ANKRD18B: variants seen among roughly 807,000 people sequenced by gnomAD.
The protein encoded by ANKRD18B is ankyrin repeat domain-containing protein 18B.
A neutral mutation model predicts 111.8 loss-of-function variants in ANKRD18B; 75 were observed. The ratio of observed to expected loss-of-function variants is 0.67; its 90% CI spans 0.56 to 0.81. ANKRD18B has a LOEUF of 0.81. Ranked by LOEUF, ANKRD18B falls within the 40% of genes least tolerant of loss-of-function variation. The pLI is 0.00. For synonymous variants in ANKRD18B, 356 were observed against 417.3 expected (o/e 0.85, Z 1.79); for missense variants, 1,038 against 1,225.5 (o/e 0.85, Z 2.28).
intron 14 of ANKRD18B, among the ~76,000 whole-genome samples, chr9:33,564,020 C>CA (rs556165780): frequency 3.2e-4 from 49 of 152,288 alleles, no homozygotes; most frequent in Middle Eastern, 3.4e-3. Flanking sequence ...AGGCTAGAGA[C>CA]AGTGATTTGA....
chr9:33,556,136 G>C (rs1167307896), intron 13 of ANKRD18B, among the ~76,000 whole-genome samples: 1 of 152,150 alleles, frequency 6.6e-6, no homozygotes, highest in African/African-American at 2.4e-5. Context: ...AGAAACAGGG[G>C]TTGGGAGTCA....
At position 33,566,315 on chromosome 9, in the gene ANKRD18B, G is replaced by A. The variant is rs41306100; in HGVS notation, c.2557G>A (p.Gly853Arg). 2.6e-6 allele frequency: 4 copies of A among 1,562,720 alleles called. No homozygotes were observed. The highest frequency in any genetic ancestry group is 3.5e-6 in the Non-Finnish European group (4 of 1,151,200). ...EVLHQELLSM[G>R]KVQEKCEKLE... ...TCTTCATCAGGAGTTATTATCTATGGGAAAAGTACAAGAGAAATGTGAAAA... is the reference window on the plus strand; with the variant it reads ...TCTTCATCAGGAGTTATTATCTATGAGAAAAGTACAAGAGAAATGTGAAAA... Residue 853 changes from glycine (G) to arginine (R), a missense_variant, in exon 15 of 19, where the codon GGA becomes AGA. By Grantham distance (125) the Gly-to-Arg change is moderately radical (BLOSUM62 -2). Around this residue, in one of 4 missense-constraint regions of ANKRD18B, gnomAD observed 524 missense variants for 677.9 expected, o/e 0.77. Coordinates refer to ENST00000684830, the MANE Select transcript of ANKRD18B (RefSeq NM_001393611.1).
Position 33,548,152 on chromosome 9 carries a change from T to C in ANKRD18B, c.1364T>C (p.Val455Ala). ...AATGAAGAAATGATAACAAAAAAAG[T>C]GGCCCAGTATTCGCAACAGCTTAAT... ...RLNEEMITKK[V>A]AQYSQQLNDL... Residue 455 changes from valine (V) to alanine (A), a missense_variant, in exon 11 of 19, where the codon GTG (valine) becomes GCG (alanine). Transcript: ENST00000684830. 1 of 1,536,110 alleles carries C rather than the reference T, an allele frequency of 6.5e-7. No individual in the cohort carries two copies.
chr9:33,574,684 G>A (rs1406699338), downstream of ANKRD18B: 1 of 152,666 alleles, frequency 6.6e-6, no homozygotes, highest in Admixed American at 6.5e-5. Context: ...GGGTGCACCT[G>A]TGAGTGGAGC....
intron 10 of ANKRD18B, among the ~76,000 whole-genome samples, chr9:33,546,550 G>A (rs1432803855): frequency 6.6e-6 from 1 of 152,090 alleles, no homozygotes; most frequent in Non-Finnish European, 1.5e-5. Context: ...TCTAAAGATA[G>A]ACAAAAATCT....
chr9:33,534,459 T>C lies in ANKRD18B; in HGVS notation c.692T>C (p.Met231Thr), dbSNP rs1828165778. Reference sequence around the variant, plus strand: ...AATATACATATCTCTTCTCAAGACATGTTTGGCCAAACTGCCGAGGATTAT... The same window carrying C: ...AATATACATATCTCTTCTCAAGACACGTTTGGCCAAACTGCCGAGGATTAT... ...QQNIHISSQD[M>T]FGQTAEDYAF... Residue 231 changes from methionine to threonine, a missense_variant, in exon 5 of 19, where the codon ATG (methionine) becomes ACG (threonine). This residue lies in a region of ANKRD18B where 93 missense variants were observed against 141.3 expected (regional missense o/e 0.66). Transcript: ENST00000684830. 6.4e-7 allele frequency: 1 copy of C among 1,550,894 alleles called. No homozygotes were observed. The highest frequency in any genetic ancestry group is 1.4e-5 in the African/African-American group (1 of 73,130).
At chr9:33,531,758 T>A (rs1828120581) in intron 3 of ANKRD18B, among the ~76,000 whole-genome samples, 1 of 151,428 alleles carries the variant, frequency 6.6e-6, no homozygotes, top group Admixed American at 6.6e-5. Flanking sequence ...TATAAATCCC[T>A]CAATTATAGA....
chr9:33,563,806 A>G (rs1828646694), intron 14 of ANKRD18B, among the ~76,000 whole-genome samples: 1 of 151,924 alleles, frequency 6.6e-6, no homozygotes, highest in African/African-American at 2.4e-5. Flanking sequence ...AAAATCTTCT[A>G]GCTTTTTAAA....
rs1249075702 is a variant in ANKRD18B at position 33,524,656 on chromosome 9, G to T, written c.167G>T (p.Arg56Leu). Residue 56 changes from arginine (R) to leucine (L), a missense_variant, in exon 1 of 19, where the codon CGC becomes CTC. By Grantham distance (102) the Arg-to-Leu change is moderately radical (BLOSUM62 -2). Transcript: ENST00000684830. ...GCAGAGGTGGAGCACTGCCTGACGCGCAGGTTCCGGGACTTGGACGTCCGC... is the reference window on the plus strand; with the variant it reads ...GCAGAGGTGGAGCACTGCCTGACGCTCAGGTTCCGGGACTTGGACGTCCGC... ...DAAEVEHCLT[R>L]RFRDLDVRDR... is the part of the protein sequence containing the mutation. 12 of 1,551,142 alleles carry T rather than the reference G, an allele frequency of 7.7e-6. No individual in the cohort carries two copies. Among genetic ancestry groups the T allele is most frequent in the Middle Eastern group, 3.5e-4 (2 of 5,758 alleles).
At chr9:33,541,443 C>T (rs1278686904) in intron 9 of ANKRD18B, among the ~76,000 whole-genome samples, 1 of 152,132 alleles carries the variant, frequency 6.6e-6, no homozygotes, top group Non-Finnish European at 1.5e-5. Context: ...TGGCTCCTGC[C>T]TGTAATGAGT....
rs1217638519 is a variant in ANKRD18B at position 33,568,781 on chromosome 9, T to C, written c.3065T>C (p.Val1022Ala). 3 of 1,551,336 alleles carry C rather than the reference T, an allele frequency of 1.9e-6. No individual in the cohort carries two copies. Among genetic ancestry groups the C allele is most frequent in the Admixed American group, 3.9e-5 (2 of 50,976 alleles). ...AGGCCAGACCCAGAGTTACCTTGTG[T>C]TGAAAATCTTAATAGTATAGAACTC... ...PMRPDPELPC[V>A]ENLNSIELNR... The change falls in exon 17 of 19, where the codon GTT (valine) becomes GCT (alanine). Residue 1022 changes from valine to alanine, a missense_variant. Val to Ala is a moderately conservative substitution (Grantham distance 64). Transcript: ENST00000684830.
chr9:33,558,885 C>T (rs1259609647), intron 14 of ANKRD18B, among the ~76,000 whole-genome samples: 1 of 151,968 alleles, frequency 6.6e-6, no homozygotes, highest in Non-Finnish European at 1.5e-5. Flanking sequence ...AGTCACATTA[C>T]AGTTTGGTTT....
intron 3 of ANKRD18B, among the ~76,000 whole-genome samples, chr9:33,531,454 A>T (rs190861704): frequency 1.6e-4 from 25 of 152,168 alleles, no homozygotes; most frequent in African/African-American, 5.8e-4. Context: ...TTGAGTCAAC[A>T]TGTAAACTTT....
chr9:33,538,701 C>G (rs571936332), intron 6 of ANKRD18B, among the ~76,000 whole-genome samples: 3 of 152,092 alleles, frequency 2.0e-5, no homozygotes, highest in Admixed American at 6.5e-5. Flanking sequence ...CACCACTGCA[C>G]TCCAGCTGGG....
chr9:33,575,102 A>T (rs929111965), downstream of ANKRD18B, among the ~76,000 whole-genome samples: 1 of 152,124 alleles, frequency 6.6e-6, no homozygotes, highest in Non-Finnish European at 1.5e-5. Flanking sequence ...GCAGCTACTG[A>T]GGGTAATACC....
At chr9:33,562,494 T>G (rs551283666) in intron 14 of ANKRD18B, among the ~76,000 whole-genome samples, 2 of 152,262 alleles carry the variant, frequency 1.3e-5, no homozygotes, top group African/African-American at 4.8e-5. Context: ...AGTAGAGGAT[T>G]CTTGGAATAA....
chr9:33,572,063 A>G, intron 18 of ANKRD18B: 2 of 463,874 alleles, frequency 4.3e-6, no homozygotes, highest in Non-Finnish European at 7.7e-6. Flanking sequence ...TTGTAATTCC[A>G]GTGCTGGCTC....
intron 10 of ANKRD18B, among the ~76,000 whole-genome samples, chr9:33,546,562 G>C (rs1303363268): frequency 6.6e-6 from 1 of 152,110 alleles, no homozygotes; most frequent in African/African-American, 2.4e-5. Context: ...CAAAAATCTA[G>C]AGATTTTCTT....
intron 14 of ANKRD18B, among the ~76,000 whole-genome samples, chr9:33,564,296 A>G (rs1416161455): frequency 1.3e-5 from 2 of 152,220 alleles, no homozygotes; most frequent in African/African-American, 4.8e-5. Context: ...CATGAGTGAG[A>G]ATGTGCAGTA....
Sources: allele counts gnomAD v4.1 joint callset (sites outside exome capture counted in the v4.1 genomes callset), GRCh38; gene constraint gnomAD v4.1.1; regional missense constraint gnomAD v4.1.1; transcripts MANE v1.5; gene names NCBI Gene and HGNC (gene_info 2026-07-23, HGNC 2026-07-21).